Variants in PCDHA7 observed in about 807,000 individuals in gnomAD.
PCDHA7 encodes protocadherin alpha 7, also known as protocadherin alpha-7.
A neutral mutation model predicts 57.2 loss-of-function variants in PCDHA7; 37 were observed. That is an observed-to-expected ratio of 0.65 (90% confidence interval 0.50 to 0.85). The LOEUF (loss-of-function observed/expected upper bound fraction) is 0.85. Among genes scored for constraint, PCDHA7 ranks in the 40% least tolerant of loss-of-function variants. The probability of loss-of-function intolerance (pLI) is 0.00; values close to 1 mark genes in which losing one functional copy is unlikely to be tolerated. For synonymous variants in PCDHA7, 553 were observed against 558.8 expected, an observed-to-expected ratio of 0.99 and a Z score of 0.15; for missense variants, 1,188 against 1,241.8, an observed-to-expected ratio of 0.96 and a Z score of 0.65.
rs2150421063 is a variant in PCDHA7, at chr5:140,848,806, T to C, written c.2355+12068T>C. The C allele has an allele frequency of 8.8e-6, 14 of 1,591,932 alleles. 1 individual carries two copies. The South Asian group carries it at 1.4e-4, about 16-fold the overall frequency. The stretch of plus-strand genomic sequence containing the variant: ...TGCGGGCGGAGCGCGGAGTGCAGCA[T>C]CCACCTGGAGGTGATCGTAGACAGG... On this transcript the variant is annotated intron_variant, in intron 1 of 3. Coordinates refer to ENST00000525929, the MANE Select transcript of PCDHA7 (RefSeq NM_018910.3).
At position 140,973,042 on chromosome 5, in the gene PCDHA7, T is replaced by C. The variant is rs78535788; in HGVS notation, c.2356-5907T>C. Among the ~76,000 whole-genome samples the C allele has an allele frequency of 5.1e-3, 779 of 152,252 alleles. 6 individuals carry two copies. Among genetic ancestry groups the C allele is most frequent in the African/African-American group, 0.018 (740 of 41,542 alleles). ...TGTTAATGAGTCACTTTGAGTACTCTAGTAGATTTGTCCAACAGTGTCTCA... is the reference window on the plus strand; with the variant it reads ...TGTTAATGAGTCACTTTGAGTACTCCAGTAGATTTGTCCAACAGTGTCTCA... On this transcript the variant is annotated intron_variant, in intron 1 of 3. Transcript: ENST00000525929.
rs7710953 is a variant in PCDHA7 at position 140,852,165 on chromosome 5, C to T, written c.2355+15427C>T. On this transcript the variant is annotated intron_variant, in intron 1 of 3. Coordinates refer to ENST00000525929, the MANE Select transcript of PCDHA7 (RefSeq NM_018910.3). ...GATCAGAATGGCCTTGAGAATAGAGCCACAAAAATAACTATGAAAATGCCA... is the reference window on the plus strand; with the variant it reads ...GATCAGAATGGCCTTGAGAATAGAGTCACAAAAATAACTATGAAAATGCCA... 4.5e-3 allele frequency: 3,690 copies of T among 821,522 alleles called. 269 individuals are homozygous for T. In the African/African-American group the frequency reaches 0.065, roughly 14 times the overall value. 50.9% of individuals were successfully genotyped at this position (821,522 alleles called of 1,614,324 possible).
chr5:140,873,441 TAAC>T (rs1439420468), intron 1 of PCDHA7, among the ~76,000 whole-genome samples: 3 of 152,200 alleles, frequency 2.0e-5, no homozygotes, highest in Non-Finnish European at 2.9e-5. Context: ...ATCACATAAA[TAAC>T]AAATTTGCAT....
chr5:140,910,737 G>A (rs1405978966), intron 1 of PCDHA7, among the ~76,000 whole-genome samples: 2 of 152,008 alleles, frequency 1.3e-5, no homozygotes, highest in African/African-American at 4.8e-5. Context: ...AGCTAACCAA[G>A]CACATAAATT....
At chr5:140,870,273 C>T in intron 1 of PCDHA7, 10 of 1,614,192 alleles carry the variant, frequency 6.2e-6, no homozygotes, top group Non-Finnish European at 8.5e-6. Flanking sequence ...CGCTGACGCC[C>T]CACGTTCCCT....
chr5:140,836,138 G>A lies in PCDHA7; in HGVS notation c.1755G>A (p.Val585=), dbSNP rs2150253717. ...TGAGAGAGCTTGTGCCGCGGTCTGT[G>A]GGCGCGGGCCATGTGGTGGCGAAGG... ...GAVRELVPRS[V]GAGHVVAKVR... The change falls in exon 1 of 4, where the codon GTG becomes GTA. Residue 585 remains valine, a synonymous_variant. Transcript: ENST00000525929. The A allele has an allele frequency of 6.2e-7, 1 of 1,613,790 alleles. No individual in the cohort carries two copies. The highest frequency in any genetic ancestry group is 1.6e-4 in the Middle Eastern group (1 of 6,062).
At chr5:140,968,507 T>A in intron 1 of PCDHA7, 1 of 1,614,178 alleles carries the variant, frequency 6.2e-7, no homozygotes, top group South Asian at 1.1e-5. Context: ...TCACATTCTG[T>A]ACCCTACCTC....
intron 1 of PCDHA7, among the ~76,000 whole-genome samples, chr5:140,886,387 T>C (rs1245808319): frequency 2.6e-5 from 4 of 152,234 alleles, no homozygotes; most frequent in African/African-American, 9.6e-5. Flanking sequence ...GCTTATCTAT[T>C]ATCTGCATCA....
At chr5:140,990,893 T>C (rs1554251806) in intron 3 of PCDHA7, among the ~76,000 whole-genome samples, 1 of 152,178 alleles carries the variant, frequency 6.6e-6, no homozygotes, top group East Asian at 1.9e-4. Context: ...GAGTGGGTCG[T>C]TGCTGGGTCA....
intron 1 of PCDHA7, among the ~76,000 whole-genome samples, chr5:140,888,038 T>C (rs1195921370): frequency 3.3e-5 from 5 of 152,238 alleles, no homozygotes; most frequent in Non-Finnish European, 7.3e-5. Context: ...TATTAGTACA[T>C]GTATAATAGA....
intron 1 of PCDHA7, among the ~76,000 whole-genome samples, chr5:140,901,937 A>G (rs2068997026): frequency 6.7e-6 from 1 of 148,692 alleles, no homozygotes; most frequent in South Asian, 2.1e-4. Context: ...ATTCCTAGGT[A>G]TATTTAGTTT....
At chr5:140,960,922 G>C (rs562658138) in intron 1 of PCDHA7, among the ~76,000 whole-genome samples, 1 of 152,272 alleles carries the variant, frequency 6.6e-6, no homozygotes, top group East Asian at 1.9e-4. Flanking sequence ...ATAGAAAATT[G>C]GTACTAAGTT....
Position 140,871,457 on chromosome 5 carries a change from G to A in PCDHA7, c.2355+34719G>A, listed in dbSNP as rs1562665046. 8.1e-6 allele frequency: 13 copies of A among 1,605,570 alleles called. No individual in the cohort carries two copies. The highest frequency in any genetic ancestry group is 1.1e-5 in the Non-Finnish European group (13 of 1,175,480). The stretch of plus-strand genomic sequence containing the variant: ...CTAGGTCTGAATAAAGAGGAGGAAG[G>A]GGAAAGACAGGAGCCAGGGTCAAAT... On this transcript the variant is annotated intron_variant, in intron 1 of 3. Transcript: ENST00000525929.
intron 1 of PCDHA7, chr5:140,856,537 G>A: frequency 1.9e-6 from 3 of 1,598,370 alleles, no homozygotes; most frequent in Non-Finnish European, 1.7e-6. Flanking sequence ...ATGTTGGAGA[G>A]AACGCATTGC....
At position 140,875,988 on chromosome 5, in the gene PCDHA7, A is replaced by G. The variant is rs144050089; in HGVS notation, c.2355+39250A>G. On this transcript the variant is annotated intron_variant, in intron 1 of 3. Transcript: ENST00000525929. ...TAAACTCTCTTTTGACCTATGCGTT[A>G]AGTCTAAATGAGAATTTTGAGCTTA... 4,280 of 1,614,014 alleles carry G rather than the reference A, an allele frequency of 2.7e-3. 13 individuals are homozygous for G. The highest frequency in any genetic ancestry group is 3.4e-3 in the Non-Finnish European group (4,021 of 1,179,898).
At chr5:140,838,084 GT>G (rs1775513754) in intron 1 of PCDHA7, among the ~76,000 whole-genome samples, 1 of 31,456 alleles carries the variant, frequency 3.2e-5, no homozygotes, top group Non-Finnish European at 6.5e-5. Flanking sequence ...TATAGTGTGT[GT>G]GTGTGTGTGT....
At chr5:140,856,942 G>A (rs781940181) in intron 1 of PCDHA7, 5 of 1,593,170 alleles carry the variant, frequency 3.1e-6, no homozygotes, top group Admixed American at 3.4e-5. Context: ...ACGAAAGGAC[G>A]GGAGAAATAA....
chr5:140,886,637 C>A (rs1379156415), intron 1 of PCDHA7, among the ~76,000 whole-genome samples: 3 of 151,848 alleles, frequency 2.0e-5, no homozygotes, highest in Non-Finnish European at 4.4e-5. Context: ...ACCAGCCTGG[C>A]CAACATGGTG....
At chr5:141,008,356 A>G (rs1440951671) in intron 3 of PCDHA7, among the ~76,000 whole-genome samples, 1 of 152,204 alleles carries the variant, frequency 6.6e-6, no homozygotes, top group Non-Finnish European at 1.5e-5. Context: ...CGTGTCAACC[A>G]AAGGAGCAGT....
Sources: allele counts gnomAD v4.1 joint callset (sites outside exome capture counted in the v4.1 genomes callset), GRCh38; gene constraint gnomAD v4.1.1; transcripts MANE v1.5; gene names NCBI Gene and HGNC (gene_info 2026-07-23, HGNC 2026-07-21).